Variants in BBS4 observed in about 807,000 individuals in gnomAD.
BBS4 encodes the protein Bardet-Biedl syndrome 4.
BBS4 carries 58 observed loss-of-function variants against 71.4 expected under a neutral mutation model. The ratio of observed to expected loss-of-function variants is 0.81; its 90% CI spans 0.66 to 1.01. The LOEUF (loss-of-function observed/expected upper bound fraction) is 1.01, where lower values mean the gene tolerates loss of function less well. Among genes scored for constraint, BBS4 ranks in the 50% least tolerant of loss-of-function variants. The probability of loss-of-function intolerance (pLI) is 0.00; values close to 1 mark genes in which losing one functional copy is unlikely to be tolerated. For missense variants in BBS4, 660 were observed against 607.9 expected (o/e 1.09, Z -0.90); for synonymous variants, 228 against 216.8 (o/e 1.05, Z -0.46).
chr15:72,702,627 C>A (rs8033580), intron 2 of BBS4, among the ~76,000 whole-genome samples: 82,213 of 151,520 alleles, frequency 0.54, 23,795 homozygotes, highest in Middle Eastern at 0.67. Flanking sequence ...AAATTATAGG[C>A]CAGCTTCTAG....
rs1413675572 is a variant in BBS4, at chr15:72,712,318, T to C, written c.220+11T>C. ...CTATCTATGTCCAAGGTAAGACACA[T>C]ACTTCTTGTCTTCTTGCTAGAGAAA... is the stretch of plus-strand genomic sequence containing the variant. On this transcript the variant is annotated intron_variant, in intron 4 of 15. Coordinates refer to ENST00000268057, the MANE Select transcript of BBS4 (RefSeq NM_033028.5). 6.2e-7 allele frequency: 1 copy of C among 1,609,988 alleles called. No individual in the cohort carries two copies.
chr15:72,716,912 C>A, intron 6 of BBS4, 62 bp downstream of exon 6: 1 of 1,176,766 alleles, frequency 8.5e-7, no homozygotes, highest in Non-Finnish European at 1.3e-6. Context: ...CATTTATCAT[C>A]TGGCTGTCTT....
At chr15:72,700,192 C>A (rs527464427) in intron 2 of BBS4, among the ~76,000 whole-genome samples, 1 of 152,318 alleles carries the variant, frequency 6.6e-6, no homozygotes, top group South Asian at 2.1e-4. Context: ...CCCGCCTCAG[C>A]CTCCCATAGT....
chr15:72,690,860 C>T (rs926759786), intron 1 of BBS4, among the ~76,000 whole-genome samples: 2 of 152,120 alleles, frequency 1.3e-5, no homozygotes, highest in East Asian at 1.9e-4. Context: ...TTTCCACATC[C>T]CTGTCAACAC....
At chr15:72,731,481 G>A (rs1232200666) in intron 11 of BBS4, 24 bp downstream of exon 11, 1 of 1,614,102 alleles carries the variant, frequency 6.2e-7, no homozygotes, top group Non-Finnish European at 8.5e-7. Context: ...CATGTTCTTT[G>A]TTTGTATTTC....
At chr15:72,716,738 A>G in intron 5 of BBS4, 40 bp from the exon 6 acceptor site, 1 of 1,445,028 alleles carries the variant, frequency 6.9e-7, no homozygotes, top group Non-Finnish European at 9.7e-7. Flanking sequence ...GTCTTCTAAG[A>G]ATTTTGAGGT....
At chr15:72,705,178 C>G (rs923994431) in intron 2 of BBS4, among the ~76,000 whole-genome samples, 4 of 152,090 alleles carry the variant, frequency 2.6e-5, no homozygotes, top group African/African-American at 9.7e-5. Flanking sequence ...TAGCCCCTGC[C>G]CTCAATTATA....
intron 1 of BBS4, chr15:72,686,944 G>A (rs77408974): frequency 3.5e-4 from 79 of 224,696 alleles, no homozygotes; most frequent in African/African-American, 1.7e-3. Flanking sequence ...GGAATTTATT[G>A]TCTTTCGAAA....
intron 3 of BBS4, among the ~76,000 whole-genome samples, chr15:72,711,751 A>G (rs556697715): frequency 3.3e-5 from 5 of 152,214 alleles, no homozygotes; most frequent in Admixed American, 6.5e-5. Context: ...AGAAGTAATC[A>G]CAACAAGGGA....
At chr15:72,702,956 C>T (rs1424342251) in intron 2 of BBS4, among the ~76,000 whole-genome samples, 4 of 150,080 alleles carry the variant, frequency 2.7e-5, no homozygotes, top group Non-Finnish European at 4.4e-5. Flanking sequence ...TACAGGCGCC[C>T]GCCACTACGC....
intron 2 of BBS4, among the ~76,000 whole-genome samples, chr15:72,708,573 G>T (rs2065308045): frequency 6.6e-6 from 1 of 152,146 alleles, no homozygotes; most frequent in African/African-American, 2.4e-5. Flanking sequence ...CAGAATAACA[G>T]CAATTTTAGG....
intron 10 of BBS4, among the ~76,000 whole-genome samples, chr15:72,730,247 C>G (rs2065786296): frequency 6.7e-6 from 1 of 149,096 alleles, no homozygotes. Flanking sequence ...CCACTGCACT[C>G]CAGCCTGGGT....
intron 12 of BBS4, among the ~76,000 whole-genome samples, chr15:72,732,606 G>T (rs2065847071): frequency 6.6e-6 from 1 of 151,932 alleles, no homozygotes; most frequent in African/African-American, 2.4e-5. Context: ...GTTATTTGAG[G>T]GTTGCCTGAA....
chr15:72,718,312 T>G (rs1938930836), intron 6 of BBS4, among the ~76,000 whole-genome samples: 1 of 152,262 alleles, frequency 6.6e-6, no homozygotes, highest in Admixed American at 6.5e-5. Flanking sequence ...ATCTTGTCTT[T>G]TCTTCAATGT....
At chr15:72,688,643 TCTG>T (rs1339449111) in intron 1 of BBS4, among the ~76,000 whole-genome samples, 1 of 152,130 alleles carries the variant, frequency 6.6e-6, no homozygotes, top group African/African-American at 2.4e-5. Context: ...GACCTTGTGA[TCTG>T]CACGCCTCGG....
At chr15:72,722,458 C>T (rs1009144636) in intron 6 of BBS4, among the ~76,000 whole-genome samples, 1 of 152,136 alleles carries the variant, frequency 6.6e-6, no homozygotes, top group Admixed American at 6.5e-5. Context: ...GGTAGTCTCT[C>T]CTGAGAAGAA....
intron 3 of BBS4, among the ~76,000 whole-genome samples, chr15:72,710,466 C>T (rs944461334): frequency 1.3e-5 from 2 of 152,112 alleles, no homozygotes; most frequent in African/African-American, 4.8e-5. Context: ...TCCCAAAGTG[C>T]TGGGATTACA....
At position 72,687,123 on chromosome 15, in the gene BBS4, A is replaced by ATTTTTTTTTTTTT. The variant is rs1491389178; in HGVS notation, c.24+872_24+873insTTTTTTTTTTTTT. ...TAATTAGAAAACTCTGAAGACAGAAACTTTTTTTTTTGAGACGGAGTGTCG... is the reference window on the plus strand; with the variant it reads ...TAATTAGAAAACTCTGAAGACAGAAATTTTTTTTTTTTTCTTTTTTTTTTGAGACGGAGTGTCG... On this transcript the variant is annotated intron_variant, in intron 1 of 15. Coordinates refer to ENST00000268057, the MANE Select transcript of BBS4 (RefSeq NM_033028.5). Among the ~76,000 whole-genome samples, 14 of 11,986 alleles carry ATTTTTTTTTTTTT rather than the reference A, an allele frequency of 1.2e-3. 1 individual carries two copies. The South Asian group carries it at 0.049, about 42-fold the overall frequency. 7.9% of individuals were successfully genotyped at this position (11,986 alleles called of 152,430 possible).
chr15:72,737,730 T>TA lies in BBS4; in HGVS notation c.*145dup, dbSNP rs750519256. On this transcript the variant is annotated 3_prime_UTR_variant, in exon 16 of 16. Transcript: ENST00000268057. The stretch of plus-strand genomic sequence containing the variant: ...ATTACGAGGAGCCAGCAGTTGAGCC[T>TA]AAGGTCCTTCTACCTACCTGGTATT... The TA allele has an allele frequency of 4.1e-5, 30 of 731,596 alleles. No homozygotes were observed. In the African/African-American group the frequency reaches 4.7e-4, roughly 11 times the overall value. 45.3% of individuals were successfully genotyped at this position (731,596 alleles called of 1,614,324 possible).
Sources: allele counts gnomAD v4.1 joint callset (sites outside exome capture counted in the v4.1 genomes callset), GRCh38; gene constraint gnomAD v4.1.1; transcripts MANE v1.5; gene names NCBI Gene and HGNC (gene_info 2026-07-23, HGNC 2026-07-21).